The following IQCH variants were observed in gnomAD, a reference collection of about 807,000 sequenced individuals.
IQCH encodes the protein IQ domain-containing protein H.
Under a neutral mutation model 117.0 loss-of-function variants are expected in IQCH, and 98 were observed. That is an observed-to-expected ratio of 0.84 (90% confidence interval 0.71 to 0.99). IQCH has a LOEUF of 0.99. Ranked by LOEUF, IQCH falls within the 50% of genes least tolerant of loss-of-function variation. The pLI, the probability that IQCH is intolerant of heterozygous loss-of-function variation, is 0.00. For missense variants in IQCH, 1,102 were observed against 1,243.8 expected (o/e 0.89, Z 1.72); for synonymous variants, 412 against 448.2 (o/e 0.92, Z 1.02).
chr15:67,286,060 A>G lies in IQCH; in HGVS notation c.387+6548A>G, dbSNP rs550842325. On this transcript the variant is annotated intron_variant, in intron 4 of 20. Coordinates refer to ENST00000335894, the MANE Select transcript of IQCH (RefSeq NM_001031715.3). ...TATTTTGACAATATTGATTCTTCCA[A>G]TCCATGAACATGGAATATCTTTCCC... 9.2e-5 allele frequency among the ~76,000 whole-genome samples: 14 copies of G among 152,262 alleles called. 1 individual carries two copies. The South Asian group carries it at 2.7e-3, about 29-fold the overall frequency.
chr15:67,302,488 C>A (rs1421230573), intron 4 of IQCH, among the ~76,000 whole-genome samples: 2 of 152,094 alleles, frequency 1.3e-5, no homozygotes, highest in Admixed American at 1.3e-4. Context: ...AATAGACATG[C>A]CTTGTTTGCA....
At chr15:67,289,424 A>G (rs924871573) in intron 4 of IQCH, among the ~76,000 whole-genome samples, 2 of 152,046 alleles carry the variant, frequency 1.3e-5, no homozygotes, top group African/African-American at 4.8e-5. Context: ...TAGTAGTAGA[A>G]CTAACACGAC....
intron 4 of IQCH, among the ~76,000 whole-genome samples, chr15:67,290,265 T>C (rs1966706697): frequency 6.6e-6 from 1 of 152,112 alleles, no homozygotes; most frequent in Admixed American, 6.6e-5. Context: ...TCCATAGCTT[T>C]GAAAATCCTA....
chr15:67,421,394 C>G lies in IQCH; in HGVS notation c.2322C>G (p.Asp774Glu), dbSNP rs553451612. Residue 774 changes from aspartate to glutamate, a missense_variant, in exon 16 of 21, where the codon GAC (aspartate) becomes GAG (glutamate). Asp to Glu is a conservative substitution (Grantham distance 45). Transcript: ENST00000335894. ...AAATCAGCGTGCTGTCGACAGGGGA[C>G]CAGCTTCATGCTGAAAGCCCCTTCA... is the stretch of plus-strand genomic sequence containing the variant. ...NGKISVLSTG[D>E]QLHAESPFIS... The G allele has an allele frequency of 3.7e-6, 6 of 1,614,178 alleles. No individual in the cohort carries two copies. The East Asian group carries it at 1.1e-4, about 30-fold the overall frequency.
chr15:67,449,506 G>C (rs2082468694), intron 16 of IQCH, among the ~76,000 whole-genome samples: 1 of 152,084 alleles, frequency 6.6e-6, no homozygotes, highest in South Asian at 2.1e-4. Flanking sequence ...GCTTGTTTTT[G>C]TCAGGTTTGT....
intron 4 of IQCH, among the ~76,000 whole-genome samples, chr15:67,319,158 C>T (rs12441076): frequency 0.28 from 42,639 of 151,910 alleles, 6,058 homozygotes; most frequent in South Asian, 0.37. Context: ...ATCCGGGAGG[C>T]GGAGCTTGCA....
In IQCH at chr15:67,447,403, T is replaced by C. The variant is rs2082414119; in HGVS notation, c.2506-17724T>C. Among the ~76,000 whole-genome samples the C allele has an allele frequency of 6.6e-6, 1 of 152,174 alleles. No individual in the cohort carries two copies. Among genetic ancestry groups the C allele is most frequent in the Non-Finnish European group, 1.5e-5 (1 of 68,030 alleles). On this transcript the variant is annotated intron_variant, in intron 16 of 20. Coordinates refer to ENST00000335894, the MANE Select transcript of IQCH (RefSeq NM_001031715.3). This position sits in a 1 kb window ranked among gnomAD's most constrained non-coding sequence, Gnocchi z 5.3. ...AATCTTTCCTACAAACACGAGTCTG[T>C]AGGAAACAGTGGCAAAGTCATGGAA... is the stretch of plus-strand genomic sequence containing the variant.
At position 67,366,144 on chromosome 15, in the gene IQCH, T is replaced by C. The variant is rs1367607422; in HGVS notation, c.754-5967T>C. 1.3e-5 allele frequency among the ~76,000 whole-genome samples: 2 copies of C among 152,178 alleles called. No homozygotes were observed. The highest frequency in any genetic ancestry group is 2.9e-5 in the Non-Finnish European group (2 of 68,032). ...CCCATACGTGTAGAGAAAATTATGATGTGTCTTTGCTCAGAGATCTGGGAA... is the reference window on the plus strand; with the variant it reads ...CCCATACGTGTAGAGAAAATTATGACGTGTCTTTGCTCAGAGATCTGGGAA... On this transcript the variant is annotated intron_variant, in intron 8 of 20. Transcript: ENST00000335894. The surrounding 1 kb of genome is among the most constrained non-coding windows in gnomAD (Gnocchi z 4.4).
rs149201419 is a variant in IQCH, at chr15:67,349,811, T to A, written c.637+5620T>A. Among the ~76,000 whole-genome samples, 175 of 152,280 alleles carry A rather than the reference T, an allele frequency of 1.1e-3. 1 individual carries two copies. The highest frequency in any genetic ancestry group is 6.8e-3 in the Middle Eastern group (2 of 294). On this transcript the variant is annotated intron_variant, in intron 6 of 20. Coordinates refer to ENST00000335894, the MANE Select transcript of IQCH (RefSeq NM_001031715.3). ...GATATATGGATAGTAAATAGATACA[T>A]GAAAGCATGCTTAACATCATTAGTC...
intron 4 of IQCH, chr15:67,306,948 A>T: frequency 7.1e-7 from 1 of 1,400,762 alleles, no homozygotes; most frequent in Non-Finnish European, 9.3e-7. Flanking sequence ...AGAAAATTTG[A>T]CTTTGATTTA....
intron 5 of IQCH, among the ~76,000 whole-genome samples, chr15:67,337,687 C>A (rs1286256662): frequency 6.6e-6 from 1 of 152,044 alleles, no homozygotes; most frequent in Non-Finnish European, 1.5e-5. Context: ...AGCGAGTGAC[C>A]AAATACTGAA....
intron 3 of IQCH, among the ~76,000 whole-genome samples, chr15:67,264,495 T>C (rs1370900177): frequency 1.3e-5 from 2 of 152,214 alleles, no homozygotes; most frequent in East Asian, 1.9e-4. Flanking sequence ...CTCACTCATA[T>C]AGTTACTGGC....
Position 67,342,010 on chromosome 15 carries a change from C to A in IQCH, c.509-2053C>A, listed in dbSNP as rs1044111772. Among the ~76,000 whole-genome samples, 11 of 151,950 alleles carry A rather than the reference C, an allele frequency of 7.2e-5. No individual in the cohort carries two copies. The highest frequency in any genetic ancestry group is 2.0e-4 in the Admixed American group (3 of 15,252). ...CTCACACCTGGCACAGTGGCTCACA[C>A]CTATAATCTCAGCACCTTGGGAGGC... On this transcript the variant is annotated intron_variant, in intron 5 of 20. Transcript: ENST00000335894. The surrounding 1 kb of genome is among the most constrained non-coding windows in gnomAD (Gnocchi z 4.7).
intron 18 of IQCH, among the ~76,000 whole-genome samples, chr15:67,477,044 CTTTTTTTTTTTTT>C (rs71455553): frequency 2.8e-5 from 2 of 71,176 alleles, no homozygotes; most frequent in African/African-American, 5.8e-5. Flanking sequence ...TCTTTTTCTT[CTTTTTTTTTTTTT>C]TTTTTTTTTT....
At position 67,352,389 on chromosome 15, in the gene IQCH, C is replaced by G. The variant is rs146272888; in HGVS notation, c.638-4956C>G. 3.0e-4 allele frequency among the ~76,000 whole-genome samples: 46 copies of G among 152,146 alleles called. 1 individual carries two copies. The East Asian group carries it at 6.0e-3, about 20-fold the overall frequency. On this transcript the variant is annotated intron_variant, in intron 6 of 20. Transcript: ENST00000335894. ...GTTATATTAGCCAACAGATTTGTCA[C>G]TGTCTTTGCTCTTCATTCCTTGTTG...
At position 67,365,951 on chromosome 15, in the gene IQCH, A is replaced by G. The variant is rs1049558603; in HGVS notation, c.753+6066A>G. On this transcript the variant is annotated intron_variant, in intron 8 of 20. Coordinates refer to ENST00000335894, the MANE Select transcript of IQCH (RefSeq NM_001031715.3). The surrounding 1 kb of genome is among the most constrained non-coding windows in gnomAD (Gnocchi z 4.4). ...TCTCAAAAACAAAAAAAGAATACAT[A>G]TGTAGGTATAGAGAATATGACAAGG... Among the ~76,000 whole-genome samples the G allele has an allele frequency of 5.9e-5, 9 of 152,066 alleles. No homozygotes were observed. Among genetic ancestry groups the G allele is most frequent in the African/African-American group, 2.2e-4 (9 of 41,396 alleles).
At chr15:67,337,145 G>A (rs370327226) in intron 5 of IQCH, 50 bp downstream of exon 5, 1 of 1,604,454 alleles carries the variant, frequency 6.2e-7, no homozygotes, top group African/African-American at 1.3e-5. Context: ...AAAAGAAAGA[G>A]CATTGAGGTA....
chr15:67,262,295 T>C (rs1278528330), intron 2 of IQCH, among the ~76,000 whole-genome samples: 2 of 152,176 alleles, frequency 1.3e-5, no homozygotes, highest in Non-Finnish European at 2.9e-5. Context: ...ACCAGGATAA[T>C]ATTCATTTAT....
chr15:67,435,441 G>A (rs914754993), intron 16 of IQCH, among the ~76,000 whole-genome samples: 6 of 151,826 alleles, frequency 4.0e-5, no homozygotes, highest in Admixed American at 3.3e-4. Flanking sequence ...AAAAATTGTC[G>A]GGTGTGGTGG....
Sources: gnomAD v4.1 joint callset for allele counts (sites outside exome capture counted in the v4.1 genomes callset) on GRCh38, gnomAD v4.1.1 for gene constraint, Gnocchi (gnomAD v3.1) non-coding constraint, MANE v1.5 for transcripts, NCBI Gene and HGNC (gene_info 2026-07-23, HGNC 2026-07-21) for gene names.